Variants in ANKS1B observed in about 807,000 individuals in gnomAD.
The protein encoded by ANKS1B is ankyrin repeat and sterile alpha motif domain containing 1B.
Under a neutral mutation model 148.3 loss-of-function variants are expected in ANKS1B, and 36 were observed. That is an observed-to-expected ratio of 0.24 (90% confidence interval 0.19 to 0.32). The LOEUF (loss-of-function observed/expected upper bound fraction) is 0.32. Among genes scored for constraint, ANKS1B ranks in the 10% least tolerant of loss-of-function variants. The pLI is 1.00. For missense variants in ANKS1B, 1,157 were observed against 1,542.6 expected (o/e 0.75, Z 4.19); for synonymous variants, 542 against 560.8 (o/e 0.97, Z 0.47).
chr12:99,169,552 C>T (rs948037104), intron 14 of ANKS1B, among the ~76,000 whole-genome samples: 3 of 152,084 alleles, frequency 2.0e-5, no homozygotes, highest in African/African-American at 7.2e-5. Flanking sequence ...GTGAGTCTTT[C>T]TAGTGATCAA....
intron 1 of ANKS1B, among the ~76,000 whole-genome samples, chr12:99,901,266 T>C (rs924633219): frequency 2.0e-5 from 3 of 152,166 alleles, no homozygotes; most frequent in African/African-American, 4.8e-5. Flanking sequence ...CACAACACAG[T>C]TCACCCATGA....
chr12:99,384,893 C>A (rs1180424281), intron 12 of ANKS1B, among the ~76,000 whole-genome samples: 1 of 152,042 alleles, frequency 6.6e-6, no homozygotes, highest in African/African-American at 2.4e-5. Context: ...TTTCCAGTAT[C>A]TTGCCTGGAT....
At chr12:99,630,034 C>T (rs891360655) in intron 9 of ANKS1B, among the ~76,000 whole-genome samples, 1 of 152,120 alleles carries the variant, frequency 6.6e-6, no homozygotes, top group East Asian at 1.9e-4. Context: ...ATTCTTGAAA[C>T]TGAACTGCAC....
At chr12:98,862,501 T>C (rs1277457949) in intron 17 of ANKS1B, among the ~76,000 whole-genome samples, 13 of 152,222 alleles carry the variant, frequency 8.5e-5, no homozygotes, top group Admixed American at 8.5e-4. Flanking sequence ...AAAATAATTT[T>C]ATGTAATTGT....
intron 12 of ANKS1B, among the ~76,000 whole-genome samples, chr12:99,369,191 G>A (rs973644737): frequency 6.6e-6 from 1 of 152,106 alleles, no homozygotes; most frequent in African/African-American, 2.4e-5. Flanking sequence ...TTCCTAATGT[G>A]ATGCAATATA....
intron 1 of ANKS1B, among the ~76,000 whole-genome samples, chr12:99,836,294 CACAA>C (rs980387274): frequency 7.2e-5 from 11 of 151,944 alleles, no homozygotes; most frequent in Non-Finnish European, 1.5e-4. Flanking sequence ...CTATTTGAGT[CACAA>C]ACAATTTCTT....
At chr12:99,031,568 T>C (rs2153462545) in intron 17 of ANKS1B, among the ~76,000 whole-genome samples, 1 of 152,352 alleles carries the variant, frequency 6.6e-6, no homozygotes, top group Admixed American at 6.5e-5. Context: ...GGAAGAACTT[T>C]TGATATCCTG....
At chr12:99,758,598 C>T (rs2061787181) in intron 8 of ANKS1B, among the ~76,000 whole-genome samples, 1 of 151,662 alleles carries the variant, frequency 6.6e-6, no homozygotes, top group African/African-American at 2.4e-5. Context: ...CTGCAAGATA[C>T]TATTACTATT....
intron 12 of ANKS1B, among the ~76,000 whole-genome samples, chr12:99,264,997 A>G (rs1293815430): frequency 1.3e-5 from 2 of 152,172 alleles, no homozygotes; most frequent in Non-Finnish European, 2.9e-5. Context: ...GAAATGTTCT[A>G]TATCTGTGCT....
intron 15 of ANKS1B, among the ~76,000 whole-genome samples, chr12:99,142,235 G>A (rs1347458027): frequency 6.6e-6 from 1 of 151,974 alleles, no homozygotes; most frequent in African/African-American, 2.4e-5. Context: ...AAAAAAAGTG[G>A]TCAGAATCAA....
At chr12:99,565,585 C>T (rs2097381969) in intron 9 of ANKS1B, among the ~76,000 whole-genome samples, 1 of 152,178 alleles carries the variant, frequency 6.6e-6, no homozygotes, top group African/African-American at 2.4e-5. Flanking sequence ...CTCTCAGCTC[C>T]ATTCTCTGAA....
At chr12:98,991,191 G>C (rs956830258) in intron 17 of ANKS1B, among the ~76,000 whole-genome samples, 1 of 152,120 alleles carries the variant, frequency 6.6e-6, no homozygotes, top group Non-Finnish European at 1.5e-5. Context: ...TACACTGAAA[G>C]GCAAAACTCA....
In ANKS1B at chr12:99,504,535, G is replaced by A. The variant is rs903298905; in HGVS notation, c.1379C>T (p.Thr460Ile). 2.5e-6 allele frequency: 4 copies of A among 1,612,886 alleles called. No individual in the cohort carries two copies. The highest frequency in any genetic ancestry group is 3.3e-4 in the Middle Eastern group (2 of 6,052). Residue 460 changes from threonine to isoleucine, a missense_variant, in exon 10 of 27, where the codon ACA (threonine) becomes ATA (isoleucine). Around this residue, in one of 6 missense-constraint regions of ANKS1B, gnomAD observed 661 missense variants for 642.1 expected, o/e 1.03. Coordinates refer to ENST00000683438, the MANE Select transcript of ANKS1B (RefSeq NM_001352186.2). ...GGAGCAAGGTTTCTTTGTAACAGCTGTGTCCATGAGATCACACAGAAAGTT... is the reference window on the plus strand; with the variant it reads ...GGAGCAAGGTTTCTTTGTAACAGCTATGTCCATGAGATCACACAGAAAGTT... ...NENFLCDLMD[T>I]AVTKKPCSLE... is the part of the protein sequence containing the mutation.
At chr12:98,750,876 C>T (rs904980849) in intron 26 of ANKS1B, among the ~76,000 whole-genome samples, 2 of 152,230 alleles carry the variant, frequency 1.3e-5, no homozygotes, top group East Asian at 3.8e-4. Flanking sequence ...CAGGCCATGG[C>T]GCAGGCCTTG....
intron 14 of ANKS1B, among the ~76,000 whole-genome samples, chr12:99,170,460 C>T (rs1336273210): frequency 6.6e-6 from 1 of 152,148 alleles, no homozygotes; most frequent in Admixed American, 6.5e-5. Context: ...CCCCATCTAT[C>T]TCATGGTTTT....
At chr12:99,453,059 G>A (rs1289951455) in intron 10 of ANKS1B, among the ~76,000 whole-genome samples, 3 of 152,264 alleles carry the variant, frequency 2.0e-5, no homozygotes, top group South Asian at 4.1e-4. Context: ...GGGAGGCCAA[G>A]GTGGGCGGAT....
chr12:99,654,935 A>G, intron 9 of ANKS1B, 132 bp downstream of exon 9: 1 of 1,052,892 alleles, frequency 9.5e-7, no homozygotes, highest in Non-Finnish European at 1.3e-6. Flanking sequence ...ACACTTTGAG[A>G]AAAACCACAA....
At chr12:99,038,930 C>T (rs137943186) in intron 17 of ANKS1B, among the ~76,000 whole-genome samples, 1 of 152,308 alleles carries the variant, frequency 6.6e-6, no homozygotes, top group African/African-American at 2.4e-5. Context: ...TAGTATGTGC[C>T]ACTAGCTGAT....
chr12:99,161,367 G>A (rs935993175), intron 14 of ANKS1B, among the ~76,000 whole-genome samples: 3 of 151,816 alleles, frequency 2.0e-5, no homozygotes, highest in Non-Finnish European at 4.4e-5. Flanking sequence ...CTATCTCTAC[G>A]AACAATTAAA....
Sources: allele counts gnomAD v4.1 joint callset (sites outside exome capture counted in the v4.1 genomes callset), GRCh38; gene constraint gnomAD v4.1.1; regional missense constraint gnomAD v4.1.1; transcripts MANE v1.5; gene names NCBI Gene and HGNC (gene_info 2026-07-23, HGNC 2026-07-21).